SMIM43: variants seen among roughly 807,000 people sequenced by gnomAD.
SMIM43 encodes small integral membrane protein 43, also known as Nodal Enhanced MEsendoderm Peptide.
At chr4:121,760,866 G>A (rs2110522306) in intron 5 of SMIM43, among the ~76,000 whole-genome samples, 1 of 71,764 alleles carries the variant, frequency 1.4e-5, no homozygotes, top group African/African-American at 7.0e-5. Flanking sequence ...GAAATGTTTG[G>A]GCTTATTATA....
At chr4:121,761,734 G>A (rs1277672792) in intron 4 of SMIM43, 39 bp from the exon 5 acceptor site, 1 of 1,611,052 alleles carries the variant, frequency 6.2e-7, no homozygotes, top group Non-Finnish European at 8.5e-7. Flanking sequence ...TACTTTATTA[G>A]ACATTTTAGA....
rs777907362 is a variant in SMIM43 at position 121,761,572 on chromosome 4, A to G, written c.*465T>C. On this transcript the variant is annotated 3_prime_UTR_variant, in exon 5 of 6. Coordinates refer to ENST00000643802, the MANE Select transcript of SMIM43 (RefSeq NM_001384332.1). ...AGTTTCCACCCCTGCAAGCGAACCA[A>G]AAACAAATCCTGGCACCTTGCCATT... 10 of 1,611,620 alleles carry G rather than the reference A, an allele frequency of 6.2e-6. No individual in the cohort carries two copies. Among genetic ancestry groups the G allele is most frequent in the Non-Finnish European group, 8.5e-6 (10 of 1,179,008 alleles).
chr4:121,760,985 T>C lies in SMIM43; in HGVS notation c.*500-511A>G, dbSNP rs1390755725. 2.0e-5 allele frequency among the ~76,000 whole-genome samples: 3 copies of C among 152,200 alleles called. No individual in the cohort carries two copies. In the East Asian group the frequency reaches 5.8e-4, roughly 29 times the overall value. Reference sequence around the variant, plus strand: ...TGATTACTGGGTCTGAACGCCCTTCTGATAATCCACCTTCCGGTATGGGAA... The same window carrying C: ...TGATTACTGGGTCTGAACGCCCTTCCGATAATCCACCTTCCGGTATGGGAA... On this transcript the variant is annotated intron_variant, in intron 5 of 5. Coordinates refer to ENST00000643802, the MANE Select transcript of SMIM43 (RefSeq NM_001384332.1).
rs1726067768 is a variant in SMIM43 at position 121,761,589 on chromosome 4, C to T, written c.*448G>A. On this transcript the variant is annotated 3_prime_UTR_variant, in exon 5 of 6. Coordinates refer to ENST00000643802, the MANE Select transcript of SMIM43 (RefSeq NM_001384332.1). ...GCGAACCAAAAACAAATCCTGGCAC[C>T]TTGCCATTCCCAGAAAAGCCAGTGC... The T allele has an allele frequency of 3.7e-6, 6 of 1,613,486 alleles. No individual in the cohort carries two copies. In the African/African-American group the frequency reaches 6.7e-5, roughly 18 times the overall value.
rs758146170 is a variant in SMIM43, at chr4:121,760,333, T to G, written c.*641A>C. On this transcript the variant is annotated 3_prime_UTR_variant, in exon 6 of 6. Coordinates refer to ENST00000643802, the MANE Select transcript of SMIM43 (RefSeq NM_001384332.1). ...AGATAGCAGTAGCCAATGACACAGTTCTGGCCAATGAGATGAAGGCAAAAG... is the reference window on the plus strand; with the variant it reads ...AGATAGCAGTAGCCAATGACACAGTGCTGGCCAATGAGATGAAGGCAAAAG... 115 of 1,613,858 alleles carry G rather than the reference T, an allele frequency of 7.1e-5. No homozygotes were observed. Among genetic ancestry groups the G allele is most frequent in the Non-Finnish European group, 9.7e-5 (114 of 1,179,992 alleles).
At position 121,765,010 on chromosome 4, in the gene SMIM43, C is replaced by T; in HGVS notation, c.96G>A (p.Leu32=). ...FLLLFVVIKQ[L]KNSVANTAGA... is the part of the protein sequence containing the mutation. Reference sequence around the variant, plus strand: ...CGGCCGTGTTGGCCACGGAGTTCTTCAGCTGCTTGATGACCACGAAGAGCA... The same window carrying T: ...CGGCCGTGTTGGCCACGGAGTTCTTTAGCTGCTTGATGACCACGAAGAGCA... The change falls in exon 1 of 6, where the codon CTG becomes CTA. Residue 32 remains leucine (L), a synonymous_variant. Transcript: ENST00000643802. 1 of 398,808 alleles carries T rather than the reference C, an allele frequency of 2.5e-6. No homozygotes were observed. The highest frequency in any genetic ancestry group is 4.4e-6 in the Non-Finnish European group (1 of 225,910). The allele number at this position is 398,808 out of a possible 1,614,324, so 24.7% of individuals were successfully genotyped here. A position where few individuals can be genotyped will look rare whatever the true frequency, so the allele number is the denominator to read the frequency against.
upstream of SMIM43, chr4:121,765,165 G>T (rs1249318859): frequency 5.1e-6 from 2 of 392,264 alleles, no homozygotes; most frequent in Admixed American, 4.4e-5. Context: ...GCTGGAGGGC[G>T]AGCGCGCCGC....
In SMIM43 at chr4:121,760,056, A is replaced by G; in HGVS notation, c.*918T>C. On this transcript the variant is annotated 3_prime_UTR_variant, in exon 6 of 6. Coordinates refer to ENST00000643802, the MANE Select transcript of SMIM43 (RefSeq NM_001384332.1). ...CAAGAGTTTTGTGAGAACACCTGAC[A>G]TGCCTTCACTCTGCTCACTCTGTCA... 5.0e-6 allele frequency: 2 copies of G among 396,468 alleles called. No homozygotes were observed. Among genetic ancestry groups the G allele is most frequent in the Admixed American group, 4.5e-5 (1 of 22,418 alleles). 24.6% of individuals were successfully genotyped at this position (396,468 alleles called of 1,614,324 possible). A position where few individuals can be genotyped will look rare whatever the true frequency, so the allele number is the denominator to read the frequency against.
rs897123220 is a variant in SMIM43 at position 121,759,057 on chromosome 4, G to T, written c.*1917C>A. 16 of 152,180 alleles carry T rather than the reference G, an allele frequency of 1.1e-4. No homozygotes were observed. The highest frequency in any genetic ancestry group is 3.9e-4 in the African/African-American group (16 of 41,534). The allele number at this position is 152,180 out of a possible 1,614,324, so 9.4% of individuals were successfully genotyped here. ...AATATTACAAAAATAAAATGACACAGAATAAATTGCACAAGAGAACAAAAT... is the reference window on the plus strand; with the variant it reads ...AATATTACAAAAATAAAATGACACATAATAAATTGCACAAGAGAACAAAAT... On this transcript the variant is annotated 3_prime_UTR_variant, in exon 6 of 6. Coordinates refer to ENST00000643802, the MANE Select transcript of SMIM43 (RefSeq NM_001384332.1).
chr4:121,762,077 T>C (rs773598857), intron 3 of SMIM43, among the ~76,000 whole-genome samples, 185 bp from the exon 4 acceptor site: 5 of 152,218 alleles, frequency 3.3e-5, no homozygotes, highest in Admixed American at 1.3e-4. Context: ...TCAAGTTACA[T>C]TTATATAATA....
In SMIM43 at chr4:121,764,836, G is replaced by A. The variant is rs921421351; in HGVS notation, c.*78C>T. 4 of 396,834 alleles carry A rather than the reference G, an allele frequency of 1.0e-5. No homozygotes were observed. The highest frequency in any genetic ancestry group is 6.3e-4 in the Middle Eastern group (1 of 1,586). 24.6% of individuals were successfully genotyped at this position (396,834 alleles called of 1,614,324 possible). ...CCGCACCTGGAAGCTGGGAGGCCGC[G>A]AGGACGGAGAATCGAGGCGGAGACC... On this transcript the variant is annotated 3_prime_UTR_variant, in exon 1 of 6. Transcript: ENST00000643802.
At position 121,765,117 on chromosome 4, in the gene SMIM43, C is replaced by T. The variant is rs1726284387; in HGVS notation, c.-12G>A. 2.5e-6 allele frequency: 1 copy of T among 396,890 alleles called. No homozygotes were observed. 24.6% of individuals were successfully genotyped at this position (396,890 alleles called of 1,614,324 possible). A position where few individuals can be genotyped will look rare whatever the true frequency, so the allele number is the denominator to read the frequency against. On this transcript the variant is annotated 5_prime_UTR_variant, in exon 1 of 6. Coordinates refer to ENST00000643802, the MANE Select transcript of SMIM43 (RefSeq NM_001384332.1). ...AGTTCCCACTCCATGCTGGAGGCGC[C>T]GGCGCTCGCTGGCCCTGCGCGCTCG... is the stretch of plus-strand genomic sequence containing the variant.
chr4:121,761,794 T>C (rs1433803921), intron 4 of SMIM43, 36 bp downstream of exon 4: 1 of 1,612,096 alleles, frequency 6.2e-7, no homozygotes, highest in East Asian at 2.2e-5. Flanking sequence ...AAAATGGTTA[T>C]CTTGCCAAGT....
In SMIM43 at chr4:121,760,269, T is replaced by C. The variant is rs1192789033; in HGVS notation, c.*705A>G. 4 of 1,584,620 alleles carry C rather than the reference T, an allele frequency of 2.5e-6. No homozygotes were observed. Among genetic ancestry groups the C allele is most frequent in the East Asian group, 2.3e-5 (1 of 44,314 alleles). On this transcript the variant is annotated 3_prime_UTR_variant, in exon 6 of 6. Coordinates refer to ENST00000643802, the MANE Select transcript of SMIM43 (RefSeq NM_001384332.1). ...TGGATTTTTGTCAAAGGCAGTTATATATCCAGCTACAAAAACTACATTTCT... is the reference window on the plus strand; with the variant it reads ...TGGATTTTTGTCAAAGGCAGTTATACATCCAGCTACAAAAACTACATTTCT...
At chr4:121,760,669 G>A (rs1229693688) in intron 5 of SMIM43, among the ~76,000 whole-genome samples, 195 bp from the exon 6 acceptor site, 2 of 152,164 alleles carry the variant, frequency 1.3e-5, no homozygotes, top group Non-Finnish European at 2.9e-5. Flanking sequence ...AATTCATCTT[G>A]ATTCCCAATA....
At chr4:121,765,416 A>T, upstream of SMIM43, 1 of 224,500 alleles carries the variant, frequency 4.5e-6, no homozygotes, top group Non-Finnish European at 8.6e-6. Context: ...GGACGCCAGA[A>T]GAGGTAACAG....
upstream of SMIM43, chr4:121,765,197 T>G: frequency 5.2e-6 from 2 of 385,716 alleles, no homozygotes; most frequent in Non-Finnish European, 9.2e-6. Context: ...CCTCCCGCAC[T>G]CCCGCCCCTC....
Position 121,764,886 on chromosome 4 carries a change from T to C in SMIM43, c.*28A>G. ...CCAGCCCAGCGCCCGCGCAGCTCGG[T>C]GCCCTCCCGCCAGTGCCCGCACTCG... On this transcript the variant is annotated 3_prime_UTR_variant, in exon 1 of 6. Coordinates refer to ENST00000643802, the MANE Select transcript of SMIM43 (RefSeq NM_001384332.1). The C allele has an allele frequency of 2.5e-6, 1 of 397,906 alleles. No homozygotes were observed. The highest frequency in any genetic ancestry group is 4.4e-5 in the Admixed American group (1 of 22,686). The allele number at this position is 397,906 out of a possible 1,614,324, so 24.6% of individuals were successfully genotyped here.
chr4:121,764,666 C>T, intron 1 of SMIM43, 151 bp downstream of exon 1: 1 of 376,724 alleles, frequency 2.7e-6, no homozygotes, highest in Non-Finnish European at 4.7e-6. Context: ...TAGGGTCCCT[C>T]TCGAAGAGCA....
Sources: gnomAD v4.1 joint callset for allele counts (sites outside exome capture counted in the v4.1 genomes callset) on GRCh38, gnomAD v4.1.1 for gene constraint, MANE v1.5 for transcripts, NCBI Gene and HGNC (gene_info 2026-07-23, HGNC 2026-07-21) for gene names.